SH3PXD2A: variants seen among roughly 807,000 people sequenced by gnomAD.
SH3PXD2A encodes SH3 and PX domains 2A.
Under a neutral mutation model 115.2 loss-of-function variants are expected in SH3PXD2A, and 32 were observed. That is an observed-to-expected ratio of 0.28 (90% CI 0.21 to 0.37). SH3PXD2A has a LOEUF of 0.37. Ranked by LOEUF, SH3PXD2A falls within the 10% of genes least tolerant of loss-of-function variation. The probability of loss-of-function intolerance (pLI) is 1.00; values close to 1 mark genes in which losing one functional copy is unlikely to be tolerated. For missense variants in SH3PXD2A, 1,328 were observed against 1,498.7 expected (o/e 0.89, Z 1.88); for synonymous variants, 610 against 629.1 (o/e 0.97, Z 0.45).
intron 1 of SH3PXD2A, among the ~76,000 whole-genome samples, chr10:103,836,682 T>TACACACACACACACACACAC (rs55855121): frequency 6.7e-6 from 1 of 148,782 alleles, no homozygotes; most frequent in African/African-American, 2.5e-5. Flanking sequence ...CACAGACATG[T>TACACACACACACACACACAC]ACACACACAC....
chr10:103,794,954 TAGA>T (rs1310702398), intron 2 of SH3PXD2A, among the ~76,000 whole-genome samples: 3 of 152,146 alleles, frequency 2.0e-5, no homozygotes, highest in African/African-American at 7.2e-5. Flanking sequence ...GCCAGGGCCC[TAGA>T]AGATTTCAGG....
At chr10:103,759,219 A>G (rs952555561) in intron 3 of SH3PXD2A, among the ~76,000 whole-genome samples, 1 of 152,228 alleles carries the variant, frequency 6.6e-6, no homozygotes, top group Non-Finnish European at 1.5e-5. Context: ...CTGTGGCTCC[A>G]AACTGCCTCT....
Position 103,602,154 on chromosome 10 carries a change from G to C in SH3PXD2A, c.3064C>G (p.Arg1022Gly), listed in dbSNP as rs79061932. The change falls in exon 15 of 15, where the codon CGC (arginine) becomes GGC (glycine). Residue 1022 changes from arginine to glycine, a missense_variant. Transcript: ENST00000369774. ...CCCTTGGCCTCGGCGGCAGCGGAGCGAGCAGTGCTAAAGGAGGAGTTCCGT... is the reference window on the plus strand; with the variant it reads ...CCCTTGGCCTCGGCGGCAGCGGAGCCAGCAGTGCTAAAGGAGGAGTTCCGT... ...VRRNSSFSTA[R>G]SAAAEAKGRL... is the part of the protein sequence containing the mutation. 2.2e-5 allele frequency: 34 copies of C among 1,575,368 alleles called. 1 individual carries two copies. In the South Asian group the frequency reaches 3.6e-4, roughly 16 times the overall value.
intron 3 of SH3PXD2A, among the ~76,000 whole-genome samples, chr10:103,736,621 A>G (rs1356775234): frequency 1.3e-5 from 2 of 152,256 alleles, no homozygotes. Flanking sequence ...CCTTTTCAGA[A>G]GGCCTTCCTT....
intron 5 of SH3PXD2A, among the ~76,000 whole-genome samples, chr10:103,701,975 A>C (rs1480741146): frequency 1.2e-4 from 14 of 115,954 alleles, no homozygotes; most frequent in South Asian, 2.9e-4. Context: ...CATCCATCCA[A>C]CATCCATCCA....
intron 3 of SH3PXD2A, among the ~76,000 whole-genome samples, chr10:103,760,097 G>A (rs1445013218): frequency 1.3e-5 from 2 of 152,176 alleles, no homozygotes; most frequent in African/African-American, 4.8e-5. Flanking sequence ...TATAGTCTTG[G>A]ACTAAGGATA....
At chr10:103,709,163 G>C (rs2038017857) in intron 5 of SH3PXD2A, among the ~76,000 whole-genome samples, 1 of 151,994 alleles carries the variant, frequency 6.6e-6, no homozygotes, top group African/African-American at 2.4e-5. Context: ...ATCTTCTCAA[G>C]GGCTCAACTC....
At chr10:103,629,312 C>T (rs1421923513) in intron 8 of SH3PXD2A, among the ~76,000 whole-genome samples, 1 of 152,234 alleles carries the variant, frequency 6.6e-6, no homozygotes, top group Non-Finnish European at 1.5e-5. Flanking sequence ...GCAGCAGCCG[C>T]TGGCAGGTCA....
intron 3 of SH3PXD2A, among the ~76,000 whole-genome samples, chr10:103,766,275 C>T (rs984180125): frequency 9.9e-5 from 15 of 152,216 alleles, no homozygotes; most frequent in Non-Finnish European, 2.1e-4. Flanking sequence ...CCAGTCTGAG[C>T]CCGGGGGGAA....
intron 1 of SH3PXD2A, among the ~76,000 whole-genome samples, chr10:103,847,929 A>AC (rs1564903624): frequency 1.5e-5 from 1 of 66,908 alleles, no homozygotes; most frequent in Non-Finnish European, 3.2e-5. Context: ...ACAGAGCGAG[A>AC]CCCCAACTCA....
rs1236335735 is a variant in SH3PXD2A at position 103,746,377 on chromosome 10, G to A, written c.230-10569C>T. Among the ~76,000 whole-genome samples, 2 of 152,034 alleles carry A rather than the reference G, an allele frequency of 1.3e-5. No individual in the cohort carries two copies. The highest frequency in any genetic ancestry group is 1.5e-5 in the Non-Finnish European group (1 of 68,008). ...CTCTGTTGCCCAGCCTGGAGTGCAG[G>A]GGAGTGATCTCGGCTCACTGCAATC... On this transcript the variant is annotated intron_variant, in intron 3 of 14. Transcript: ENST00000369774. This position sits in a 1 kb window ranked among gnomAD's most constrained non-coding sequence, Gnocchi z 4.4.
In SH3PXD2A at chr10:103,753,317, CAAAAAAAAAAA is replaced by C. The variant is rs60364879; in HGVS notation, c.229+13766_229+13776del. Among the ~76,000 whole-genome samples the C allele has an allele frequency of 6.8e-4, 43 of 62,864 alleles. No individual in the cohort carries two copies. The South Asian group carries it at 0.017, about 24-fold the overall frequency. 41.2% of individuals were successfully genotyped at this position (62,864 alleles called of 152,430 possible). ...CAACATGGTGAAACCCTGCCTCTAC[CAAAAAAAAAAA>C]AAAAAAAAAAAAAAAAAATTAGCCG... On this transcript the variant is annotated intron_variant, in intron 3 of 14. Transcript: ENST00000369774.
intron 2 of SH3PXD2A, among the ~76,000 whole-genome samples, chr10:103,779,497 G>T (rs565244375): frequency 1.1e-4 from 16 of 152,198 alleles, no homozygotes; most frequent in Admixed American, 3.3e-4. Flanking sequence ...ACATGGGGCA[G>T]TGTGAGGGGC....
At chr10:103,780,578 G>C (rs1269213312) in intron 2 of SH3PXD2A, among the ~76,000 whole-genome samples, 9 of 152,162 alleles carry the variant, frequency 5.9e-5, no homozygotes, top group Admixed American at 2.6e-4. Context: ...GGCAATGAAA[G>C]CATCCTTGAA....
At position 103,602,091 on chromosome 10, in the gene SH3PXD2A, A is replaced by G. The variant is rs374861488; in HGVS notation, c.3127T>C (p.Ser1043Pro). 2.5e-6 allele frequency: 4 copies of G among 1,596,848 alleles called. No homozygotes were observed. In the African/African-American group the frequency reaches 5.4e-5, roughly 21 times the overall value. Reference sequence around the variant, plus strand: ...TTGCGCTGGGCGGGCAGTAGGGGTGAGTCTGAACCCTGGCTGGCAGCCCGT... The same window carrying G: ...TTGCGCTGGGCGGGCAGTAGGGGTGGGTCTGAACCCTGGCTGGCAGCCCGT... ...AERAASQGSD[S>P]PLLPAQRNSI... Residue 1043 changes from serine to proline, a missense_variant, in exon 15 of 15, where the codon TCA becomes CCA. Transcript: ENST00000369774.
chr10:103,786,084 C>T (rs187408023), intron 2 of SH3PXD2A, among the ~76,000 whole-genome samples: 1 of 152,162 alleles, frequency 6.6e-6, no homozygotes, highest in African/African-American at 2.4e-5. Flanking sequence ...AGCAAGGAAA[C>T]GAACATACAG....
chr10:103,767,466 A>G (rs1212650551), intron 2 of SH3PXD2A, among the ~76,000 whole-genome samples: 1 of 152,188 alleles, frequency 6.6e-6, no homozygotes. Flanking sequence ...AGAGGCTTTC[A>G]GGCCAGGCTG....
At chr10:103,755,155 G>A (rs992000845) in intron 3 of SH3PXD2A, 2 of 152,194 alleles carry the variant, frequency 1.3e-5, no homozygotes, top group Non-Finnish European at 1.5e-5. Context: ...CCGCACTCCT[G>A]AGAAGAGACC....
chr10:103,637,065 G>T (rs1592275197), intron 8 of SH3PXD2A, among the ~76,000 whole-genome samples: 1 of 152,160 alleles, frequency 6.6e-6, no homozygotes, highest in Non-Finnish European at 1.5e-5. Context: ...AGTATTTCCC[G>T]AGCACCTGGT....
Sources: allele counts gnomAD v4.1 joint callset (sites outside exome capture counted in the v4.1 genomes callset), GRCh38; gene constraint gnomAD v4.1.1; non-coding constraint Gnocchi (gnomAD v3.1); transcripts MANE v1.5; gene names NCBI Gene and HGNC (gene_info 2026-07-23, HGNC 2026-07-21).